Variants in RNF38 observed in about 807,000 individuals in gnomAD.
RNF38 encodes E3 ubiquitin-protein ligase RNF38.
In RNF38, 15 loss-of-function variants were observed where a neutral mutation model predicts 67.2. The ratio of observed to expected loss-of-function variants is 0.22; its 90% CI spans 0.15 to 0.34. The LOEUF (loss-of-function observed/expected upper bound fraction) is 0.34, where lower values mean the gene tolerates loss of function less well. RNF38 is among the 10% of genes least tolerant of loss of function. The probability of loss-of-function intolerance (pLI) is 1.00; values close to 1 mark genes in which losing one functional copy is unlikely to be tolerated. For missense variants in RNF38, 524 were observed against 639.9 expected, an observed-to-expected ratio of 0.82 and a Z score of 1.95; for synonymous variants, 220 against 218.8, an observed-to-expected ratio of 1.01 and a Z score of -0.05.
chr9:36,391,616 T>TC (rs1182290357), intron 1 of RNF38, among the ~76,000 whole-genome samples: 2 of 148,754 alleles, frequency 1.3e-5, no homozygotes, highest in African/African-American at 4.9e-5. Flanking sequence ...TTCCTACTTT[T>TC]TTTTTTTTTT....
chr9:36,411,158 A>C (rs1838316002), intron 2 of RNF38, among the ~76,000 whole-genome samples: 1 of 124,786 alleles, frequency 8.0e-6, no homozygotes, highest in Non-Finnish European at 1.6e-5. Flanking sequence ...ACTGAACAGC[A>C]AAAAAAAAAA....
At chr9:36,424,299 A>G (rs1838713753) in intron 2 of RNF38, among the ~76,000 whole-genome samples, 1 of 152,248 alleles carries the variant, frequency 6.6e-6, no homozygotes, top group African/African-American at 2.4e-5. Context: ...TCAACCTCTG[A>G]AACACATGTT....
intron 1 of RNF38, among the ~76,000 whole-genome samples, chr9:36,428,705 A>G (rs1315130627): frequency 6.6e-6 from 1 of 152,204 alleles, no homozygotes; most frequent in African/African-American, 2.4e-5. Context: ...TGACAACTGA[A>G]TAAATGTAAC....
Position 36,337,248 on chromosome 9 carries a change from A to C in RNF38, c.*2504T>G, listed in dbSNP as rs1832516769. The C allele has an allele frequency of 6.6e-6, 1 of 152,252 alleles. No homozygotes were observed. Among genetic ancestry groups the C allele is most frequent in the Non-Finnish European group, 1.5e-5 (1 of 68,038 alleles). The allele number at this position is 152,252 out of a possible 1,614,324, so 9.4% of individuals were successfully genotyped here. On this transcript the variant is annotated 3_prime_UTR_variant, in exon 12 of 12. Coordinates refer to ENST00000259605, the MANE Select transcript of RNF38 (RefSeq NM_022781.5). ...CAGAACACCTGTGTGTGTGTTCCTG[A>C]TACACACTAACCACAATAAGCAAGT...
upstream of RNF38, chr9:36,400,788 G>A (rs1455880360): frequency 1.0e-6 from 1 of 985,512 alleles, no homozygotes; most frequent in Non-Finnish European, 1.2e-6. Context: ...AGAGATGACA[G>A]AGTCGCCTAA....
At chr9:36,476,958 A>G in intron 1 of RNF38, among the ~76,000 whole-genome samples, 1 of 152,152 alleles carries the variant, frequency 6.6e-6, no homozygotes, top group East Asian at 1.9e-4. Context: ...ATAGACGTAA[A>G]TGCTAATTAC....
At chr9:36,443,060 C>T (rs1359921815) in intron 1 of RNF38, among the ~76,000 whole-genome samples, 3 of 152,160 alleles carry the variant, frequency 2.0e-5, no homozygotes, top group Admixed American at 6.5e-5. Flanking sequence ...GTGTCCATCC[C>T]CCAATTACGG....
chr9:36,362,302 G>A (rs1309337357), intron 4 of RNF38, among the ~76,000 whole-genome samples: 2 of 151,760 alleles, frequency 1.3e-5, no homozygotes, highest in East Asian at 3.9e-4. Context: ...AGGTTGCAGT[G>A]AGCCAAGATC....
At chr9:36,348,113 G>GT (rs780996471) in intron 9 of RNF38, among the ~76,000 whole-genome samples, 7 of 152,128 alleles carry the variant, frequency 4.6e-5, no homozygotes, top group South Asian at 4.2e-4. Flanking sequence ...ATTAAGCTTA[G>GT]TAAGAAAGGC....
intron 1 of RNF38, among the ~76,000 whole-genome samples, chr9:36,426,579 C>T (rs889344771): frequency 1.3e-5 from 2 of 152,186 alleles, no homozygotes; most frequent in Non-Finnish European, 2.9e-5. Context: ...AAGACTAATG[C>T]TGTTTTGACA....
chr9:36,392,930 GAAGGT>G (rs1453661788), intron 1 of RNF38, among the ~76,000 whole-genome samples: 1 of 152,202 alleles, frequency 6.6e-6, no homozygotes, highest in African/African-American at 2.4e-5. Context: ...GAATTAATGT[GAAGGT>G]AAGAGTTAAG....
At chr9:36,464,318 C>G (rs1353931925) in intron 1 of RNF38, among the ~76,000 whole-genome samples, 2 of 151,994 alleles carry the variant, frequency 1.3e-5, no homozygotes, top group African/African-American at 4.8e-5. Flanking sequence ...CCTGTAATCC[C>G]AGCACTTTAG....
In RNF38 at chr9:36,400,148, A is replaced by C. The variant is rs1459194228; in HGVS notation, c.-40T>G. 6.2e-7 allele frequency: 1 copy of C among 1,610,360 alleles called. No homozygotes were observed. Among genetic ancestry groups the C allele is most frequent in the Non-Finnish European group, 8.5e-7 (1 of 1,178,394 alleles). On this transcript the variant is annotated 5_prime_UTR_variant, in exon 1 of 12. Transcript: ENST00000259605. ...AAACTTTATTTCTTTTTGGACCTCA[A>C]TAACCTGAAACACTCCCGTTTCAAA...
chr9:36,344,720 T>C, intron 10 of RNF38, 112 bp downstream of exon 10: 1 of 1,039,612 alleles, frequency 9.6e-7, no homozygotes. Context: ...CCTAAGCATT[T>C]TCTTTCAATT....
chr9:36,428,472 T>C (rs1325886185), intron 1 of RNF38, among the ~76,000 whole-genome samples: 2 of 145,076 alleles, frequency 1.4e-5, no homozygotes, highest in South Asian at 2.2e-4. Flanking sequence ...TATATATATA[T>C]ATACACGTAT....
intron 1 of RNF38, among the ~76,000 whole-genome samples, chr9:36,431,695 C>T (rs931910845): frequency 3.9e-5 from 6 of 152,156 alleles, no homozygotes; most frequent in Admixed American, 2.6e-4. Flanking sequence ...TTTAGGGTTC[C>T]TATGGAGATT....
chr9:36,342,206 G>A, intron 11 of RNF38, 119 bp downstream of exon 11: 2 of 722,304 alleles, frequency 2.8e-6, no homozygotes, highest in Non-Finnish European at 2.4e-6. Flanking sequence ...AGATCATACT[G>A]AAAGCTGTGT....
intron 2 of RNF38, among the ~76,000 whole-genome samples, chr9:36,421,264 A>G (rs1344183230): frequency 1.3e-5 from 2 of 152,374 alleles, no homozygotes; most frequent in South Asian, 2.1e-4. Context: ...ATTTTATATA[A>G]CTTGCATTCG....
At chr9:36,364,969 TTTTAGG>T (rs1834833104) in intron 4 of RNF38, among the ~76,000 whole-genome samples, 1 of 152,192 alleles carries the variant, frequency 6.6e-6, no homozygotes, top group Non-Finnish European at 1.5e-5. Flanking sequence ...AAAGTGAATG[TTTTAGG>T]TTTGTGGGCC....
Sources: allele counts gnomAD v4.1 joint callset (sites outside exome capture counted in the v4.1 genomes callset), GRCh38; gene constraint gnomAD v4.1.1; transcripts MANE v1.5; gene names NCBI Gene and HGNC (gene_info 2026-07-23, HGNC 2026-07-21).